CUX2: variants seen among roughly 807,000 people sequenced by gnomAD.
The protein encoded by CUX2 is cut like homeobox 2.
In CUX2, 40 loss-of-function variants were observed where a neutral mutation model predicts 144.8. That is an observed-to-expected ratio of 0.28 (90% CI 0.21 to 0.36). The LOEUF (loss-of-function observed/expected upper bound fraction) is 0.36. Among genes scored for constraint, CUX2 ranks in the 10% least tolerant of loss-of-function variants. The probability of loss-of-function intolerance (pLI) is 1.00; values close to 1 mark genes in which losing one functional copy is unlikely to be tolerated. For missense variants in CUX2, 1,615 were observed against 1,994.0 expected, an observed-to-expected ratio of 0.81 and a Z score of 3.62; for synonymous variants, 827 against 875.6, an observed-to-expected ratio of 0.94 and a Z score of 0.98.
intron 1 of CUX2, among the ~76,000 whole-genome samples, chr12:111,127,116 A>T (rs535723309): frequency 6.6e-6 from 1 of 152,262 alleles, no homozygotes; most frequent in East Asian, 1.9e-4. Flanking sequence ...ATCTTTATAC[A>T]CACACACACA....
At chr12:111,228,924 A>C (rs985538140) in intron 3 of CUX2, among the ~76,000 whole-genome samples, 1 of 152,154 alleles carries the variant, frequency 6.6e-6, no homozygotes, top group Non-Finnish European at 1.5e-5. Context: ...AAGCCACTGC[A>C]GGCTGACCCC....
In CUX2 at chr12:111,282,557, C is replaced by T. The variant is rs140004465; in HGVS notation, c.302-8861C>T. Among the ~76,000 whole-genome samples the T allele has an allele frequency of 1.2e-3, 182 of 145,616 alleles. 1 individual carries two copies. Among genetic ancestry groups the T allele is most frequent in the African/African-American group, 4.4e-3 (171 of 39,264 alleles). On this transcript the variant is annotated intron_variant, in intron 4 of 21. Coordinates refer to ENST00000261726, the MANE Select transcript of CUX2 (RefSeq NM_015267.4). ...AGGAGAATCACTTGAACCCAAGAGGCGTAGGTTGCAGTGAGCTGAGATCAC... is the reference window on the plus strand; with the variant it reads ...AGGAGAATCACTTGAACCCAAGAGGTGTAGGTTGCAGTGAGCTGAGATCAC...
chr12:111,065,370 G>C (rs1268158326), intron 1 of CUX2, among the ~76,000 whole-genome samples: 1 of 152,238 alleles, frequency 6.6e-6, no homozygotes, highest in African/African-American at 2.4e-5. Context: ...GTCTTGCTCT[G>C]TTGCCCAGGC....
Position 111,320,887 on chromosome 12 carries a change from T to C in CUX2, c.2766+112T>C. ...CCCAGGGGCCCAGGCCCTTCATTCCTGAGTCCTGCTGTCCCTGGGTCCCGC... is the reference window on the plus strand; with the variant it reads ...CCCAGGGGCCCAGGCCCTTCATTCCCGAGTCCTGCTGTCCCTGGGTCCCGC... On this transcript the variant is annotated intron_variant, in intron 17 of 21. Transcript: ENST00000261726. This position sits in a 1 kb window ranked among gnomAD's most constrained non-coding sequence, Gnocchi z 8.1. 8.7e-7 allele frequency: 1 copy of C among 1,150,584 alleles called. No homozygotes were observed. The highest frequency in any genetic ancestry group is 1.9e-5 in the South Asian group (1 of 52,296). 71.3% of individuals were successfully genotyped at this position (1,150,584 alleles called of 1,614,324 possible).
At chr12:111,298,645 G>A (rs1886136948) in intron 9 of CUX2, 56 bp downstream of exon 9, 1 of 1,502,700 alleles carries the variant, frequency 6.7e-7, no homozygotes, top group Non-Finnish European at 9.1e-7. Context: ...GCCTGGGGTG[G>A]GGGTCTCGGG....
At chr12:111,336,892 A>C (rs1444493402) in intron 19 of CUX2, among the ~76,000 whole-genome samples, 1 of 151,840 alleles carries the variant, frequency 6.6e-6, no homozygotes, top group African/African-American at 2.4e-5. Flanking sequence ...AATGAACACT[A>C]GGCTGGGTGT....
At position 111,322,500 on chromosome 12, in the gene CUX2, G is replaced by A. The variant is rs1245466249; in HGVS notation, c.2846G>A (p.Arg949Gln). ...TGGAGCAAGCTGACGCAGAAGGGGCGGGAGCCCTTCATCCGCATGCAGCTG... is the reference window on the plus strand; with the variant it reads ...TGGAGCAAGCTGACGCAGAAGGGGCAGGAGCCCTTCATCCGCATGCAGCTG... ...KPWSKLTQKG[R>Q]EPFIRMQLWL... is the part of the protein sequence containing the mutation. Residue 949 changes from arginine (R) to glutamine (Q), a missense_variant, in exon 18 of 22, where the codon CGG becomes CAG. Physicochemically the swap from Arg to Gln is conservative, Grantham distance 43. Coordinates refer to ENST00000261726, the MANE Select transcript of CUX2 (RefSeq NM_015267.4). This position sits in a 1 kb window ranked among gnomAD's most constrained non-coding sequence, Gnocchi z 4.2. 1 of 1,603,824 alleles carries A rather than the reference G, an allele frequency of 6.2e-7. No homozygotes were observed. Among genetic ancestry groups the A allele is most frequent in the Non-Finnish European group, 8.5e-7 (1 of 1,176,796 alleles).
chr12:111,069,925 C>T (rs879364918), intron 1 of CUX2, among the ~76,000 whole-genome samples: 1 of 152,108 alleles, frequency 6.6e-6, no homozygotes, highest in Non-Finnish European at 1.5e-5. Context: ...TAGATGATAC[C>T]TGTGTGGGCT....
intron 1 of CUX2, among the ~76,000 whole-genome samples, chr12:111,144,999 C>T (rs1162922653): frequency 6.6e-6 from 1 of 152,186 alleles, no homozygotes; most frequent in African/African-American, 2.4e-5. Flanking sequence ...GGGGAGTGCC[C>T]TGGACGCAGC....
intron 1 of CUX2, among the ~76,000 whole-genome samples, chr12:111,121,577 G>C (rs1348829712): frequency 6.6e-6 from 1 of 151,668 alleles, no homozygotes; most frequent in Non-Finnish European, 1.5e-5. Flanking sequence ...GGCCAGGCTG[G>C]TCTCGAACTC....
intron 1 of CUX2, among the ~76,000 whole-genome samples, chr12:111,210,878 C>T (rs1471077833): frequency 3.3e-5 from 5 of 152,062 alleles, no homozygotes. Flanking sequence ...CCTGAACACC[C>T]CCCAGCTGAT....
At chr12:111,104,561 G>A (rs1873472679) in intron 1 of CUX2, among the ~76,000 whole-genome samples, 1 of 152,254 alleles carries the variant, frequency 6.6e-6, no homozygotes, top group Non-Finnish European at 1.5e-5. Flanking sequence ...CTGGCTGTGT[G>A]ATGCAGGGCA....
intron 1 of CUX2, among the ~76,000 whole-genome samples, chr12:111,157,550 C>A (rs1877473904): frequency 6.6e-6 from 1 of 151,922 alleles, no homozygotes; most frequent in South Asian, 2.1e-4. Flanking sequence ...GCCAAAAGGC[C>A]AGGTTCAAGG....
At chr12:111,066,719 G>C (rs142704539) in intron 1 of CUX2, among the ~76,000 whole-genome samples, 1 of 152,352 alleles carries the variant, frequency 6.6e-6, no homozygotes, top group African/African-American at 2.4e-5. Flanking sequence ...CTGCTCTAAG[G>C]AGGAGGGTCA....
At chr12:111,100,243 G>A (rs1429524524) in intron 1 of CUX2, 6 of 353,826 alleles carry the variant, frequency 1.7e-5, no homozygotes, top group Non-Finnish European at 2.8e-5. Flanking sequence ...CCTTGTGCCT[G>A]TGTGTGTCCT....
In CUX2 at chr12:111,347,618, T is replaced by TGCCCCCCCCCCCCCCCCCCCCC; in HGVS notation, c.3754_3755insGCCCCCCCCCCCCCCCCCCCCC (p.Ser1252CysfsTer18). On this transcript the variant is annotated frameshift_variant, in exon 22 of 22. Transcript: ENST00000261726. LOFTEE classifies it low-confidence loss of function (END_TRUNC). ...TCCTGGAATCCTACCGCCAGGCCACTCCCACCCAGACCCCACCCCGCAGAG... is the reference window on the plus strand; with the variant it reads ...TCCTGGAATCCTACCGCCAGGCCACTGCCCCCCCCCCCCCCCCCCCCCCCCACCCAGACCCCACCCCGCAGAG... 6.6e-7 allele frequency: 1 copy of TGCCCCCCCCCCCCCCCCCCCCC among 1,517,768 alleles called. No individual in the cohort carries two copies. The allele number at this position is 1,517,768 out of a possible 1,614,324, so 94.0% of individuals were successfully genotyped here.
At chr12:111,099,598 T>C in intron 1 of CUX2, 1 of 456,666 alleles carries the variant, frequency 2.2e-6, no homozygotes. Context: ...AGCCCTCACA[T>C]GGGAGAACAG....
chr12:111,266,132 T>C (rs1224756107), intron 4 of CUX2, among the ~76,000 whole-genome samples: 1 of 152,130 alleles, frequency 6.6e-6, no homozygotes, highest in East Asian at 1.9e-4. Flanking sequence ...GATCTCAAGA[T>C]GAGATCATCC....
chr12:111,064,232 G>A (rs953396680), intron 1 of CUX2, among the ~76,000 whole-genome samples: 2 of 152,158 alleles, frequency 1.3e-5, no homozygotes, highest in African/African-American at 2.4e-5. Flanking sequence ...GAGGCGATGT[G>A]GCAGGTGAGA....
Sources: allele counts gnomAD v4.1 joint callset (sites outside exome capture counted in the v4.1 genomes callset), GRCh38; gene constraint gnomAD v4.1.1; non-coding constraint Gnocchi (gnomAD v3.1); transcripts MANE v1.5; gene names NCBI Gene and HGNC (gene_info 2026-07-23, HGNC 2026-07-21).